RASEF: variants seen among roughly 807,000 people sequenced by gnomAD.
The protein encoded by RASEF is ras and EF-hand domain-containing protein.
In RASEF, 68 loss-of-function variants were observed where a neutral mutation model predicts 90.1. The ratio of observed to expected loss-of-function variants is 0.75; its 90% confidence interval spans 0.62 to 0.92. The LOEUF is 0.92. RASEF is among the 40% of genes least tolerant of loss of function. The pLI is 0.00. For synonymous variants in RASEF, 331 were observed against 345.2 expected, an observed-to-expected ratio of 0.96 and a Z score of 0.46; for missense variants, 949 against 937.2, an observed-to-expected ratio of 1.01 and a Z score of -0.16.
At chr9:83,059,096 G>A (rs1031242528) in intron 1 of RASEF, among the ~76,000 whole-genome samples, 5 of 152,204 alleles carry the variant, frequency 3.3e-5, no homozygotes, top group Admixed American at 3.3e-4. Flanking sequence ...TCACATTCCT[G>A]TTTGTGAGAA....
At chr9:83,120,845 C>G in the RASEF span, among the ~76,000 whole-genome samples, 1 of 152,244 alleles carries the variant, frequency 6.6e-6, no homozygotes, top group South Asian at 2.1e-4. Context: ...AATGTAAGAG[C>G]CTTTGAGAAA....
chr9:83,029,847 C>T (rs1435579098), intron 1 of RASEF, among the ~76,000 whole-genome samples: 2 of 152,206 alleles, frequency 1.3e-5, no homozygotes, highest in African/African-American at 2.4e-5. Flanking sequence ...ACACAGAAAA[C>T]TGCCATTATC....
chr9:83,202,654 G>T, the RASEF span, among the ~76,000 whole-genome samples: 1 of 151,910 alleles, frequency 6.6e-6, no homozygotes, highest in African/African-American at 2.4e-5. Flanking sequence ...TTTTTTGTTT[G>T]TTTGTTTGTT....
chr9:83,075,106 G>C, the RASEF span, among the ~76,000 whole-genome samples: 1 of 152,040 alleles, frequency 6.6e-6, no homozygotes, highest in Non-Finnish European at 1.5e-5. Context: ...TATTAATTTT[G>C]CCTTTGTGAA....
At chr9:83,095,835 T>C in the RASEF span, among the ~76,000 whole-genome samples, 1 of 152,114 alleles carries the variant, frequency 6.6e-6, no homozygotes, top group Non-Finnish European at 1.5e-5. Flanking sequence ...GAATAACTAA[T>C]TCATGATCCC....
chr9:82,993,054 C>T lies in RASEF; in HGVS notation c.1921-29G>A, dbSNP rs954087750. The T allele has an allele frequency of 8.1e-6, 13 of 1,607,358 alleles. No homozygotes were observed. The East Asian group carries it at 8.9e-5, about 11-fold the overall frequency. On this transcript the variant is annotated intron_variant, in intron 14 of 16. Coordinates refer to ENST00000376447, the MANE Select transcript of RASEF (RefSeq NM_152573.4). ...CCAGGAAGAAAAAAAAAATGGGGCA[C>T]ACATCAAACACTGGACACATTACGA...
chr9:83,008,934 ATG>A (rs1829187259), intron 6 of RASEF, among the ~76,000 whole-genome samples: 3 of 127,990 alleles, frequency 2.3e-5, no homozygotes, highest in Non-Finnish European at 3.3e-5. Context: ...ATATATATAT[ATG>A]ACGTGGGCTC....
At chr9:83,077,726 A>G in the RASEF span, among the ~76,000 whole-genome samples, 1 of 152,252 alleles carries the variant, frequency 6.6e-6, no homozygotes, top group African/African-American at 2.4e-5. Context: ...AATAATCATT[A>G]TCTTAACCTC....
In RASEF at chr9:83,062,805, G is replaced by A. The variant is rs1830239504; in HGVS notation, c.63C>T (p.Asp21=). 6.4e-7 allele frequency: 1 copy of A among 1,556,484 alleles called. No individual in the cohort carries two copies. The highest frequency in any genetic ancestry group is 8.6e-7 in the Non-Finnish European group (1 of 1,161,522). ...GCTCCAGGCGCCCCGAGCGGTTCGC[G>A]TCGCAGGCGGCGAAGACTGAGCGCA... ...ARLRSVFAAC[D]ANRSGRLERE... The change falls in exon 1 of 17, where the codon GAC becomes GAT. Residue 21 remains aspartate, a synonymous_variant. Transcript: ENST00000376447.
At chr9:83,100,517 C>T in the RASEF span, among the ~76,000 whole-genome samples, 4 of 152,298 alleles carry the variant, frequency 2.6e-5, no homozygotes, top group African/African-American at 7.2e-5. Context: ...TTATGTGAAT[C>T]AATATTCAGT....
chr9:83,011,407 C>T (rs995244261), intron 5 of RASEF, among the ~76,000 whole-genome samples: 3 of 151,704 alleles, frequency 2.0e-5, no homozygotes, highest in Non-Finnish European at 4.4e-5. Context: ...AAAAATTTAG[C>T]GGGGCGTGGT....
chr9:83,026,165 G>T (rs553505571), intron 1 of RASEF, among the ~76,000 whole-genome samples: 165 of 152,248 alleles, frequency 1.1e-3, no homozygotes, highest in African/African-American at 3.8e-3. Flanking sequence ...GAAGGATTTT[G>T]TTGTTGTTCC....
chr9:83,132,239 C>T, the RASEF span, among the ~76,000 whole-genome samples: 15 of 152,166 alleles, frequency 9.9e-5, no homozygotes, highest in South Asian at 2.1e-4. Context: ...CATCAGAACT[C>T]GGAGCTACCA....
the RASEF span, among the ~76,000 whole-genome samples, chr9:83,128,310 GT>G: frequency 6.6e-6 from 1 of 152,036 alleles, no homozygotes; most frequent in Non-Finnish European, 1.5e-5. Context: ...ACAGTCCTGG[GT>G]AAATCCTCAG....
At chr9:83,210,864 C>T in the RASEF span, among the ~76,000 whole-genome samples, 9 of 152,232 alleles carry the variant, frequency 5.9e-5, no homozygotes, top group Non-Finnish European at 1.0e-4. Flanking sequence ...CTATCCCAGA[C>T]AAACGAAGCT....
At chr9:82,998,511 C>T (rs1828963918) in intron 12 of RASEF, 65 bp from the exon 13 acceptor site, 1 of 1,074,334 alleles carries the variant, frequency 9.3e-7, no homozygotes, top group African/African-American at 1.6e-5. Flanking sequence ...TACTTTCAAG[C>T]CTTCTTTAGA....
chr9:83,109,138 G>A, the RASEF span, among the ~76,000 whole-genome samples: 2 of 152,350 alleles, frequency 1.3e-5, no homozygotes, highest in African/African-American at 2.4e-5. Flanking sequence ...ACAATGGAGT[G>A]TATGTGGACA....
chr9:83,082,014 C>T, the RASEF span, among the ~76,000 whole-genome samples: 1 of 152,088 alleles, frequency 6.6e-6, no homozygotes, highest in Non-Finnish European at 1.5e-5. Context: ...GGGATGTTGC[C>T]ATAGTTACCA....
the RASEF span, among the ~76,000 whole-genome samples, chr9:83,152,393 G>A: frequency 3.9e-5 from 6 of 152,154 alleles, no homozygotes; most frequent in African/African-American, 1.2e-4. Flanking sequence ...GAGCTGGAAG[G>A]GCCCTTATAC....
Sources: allele counts gnomAD v4.1 joint callset (sites outside exome capture counted in the v4.1 genomes callset), GRCh38; gene constraint gnomAD v4.1.1; transcripts MANE v1.5; gene names NCBI Gene and HGNC (gene_info 2026-07-23, HGNC 2026-07-21).